GNAL: variants seen among roughly 807,000 people sequenced by gnomAD.
GNAL encodes guanine nucleotide-binding protein G(olf) subunit alpha.
In GNAL, 18 loss-of-function variants were observed where a neutral mutation model predicts 55.1. The ratio of observed to expected loss-of-function variants is 0.33; its 90% confidence interval spans 0.23 to 0.48. The LOEUF (loss-of-function observed/expected upper bound fraction) is 0.48. Among genes scored for constraint, GNAL ranks in the 20% least tolerant of loss-of-function variants. GNAL has a pLI of 0.99. For missense variants in GNAL, 412 were observed against 614.1 expected, an observed-to-expected ratio of 0.67 and a Z score of 3.48; for synonymous variants, 253 against 237.0, an observed-to-expected ratio of 1.07 and a Z score of -0.62.
At chr18:11,853,970 GC>G (rs1283938163) in intron 5 of GNAL, 3 of 165,154 alleles carry the variant, frequency 1.8e-5, no homozygotes, top group Non-Finnish European at 2.9e-5. Context: ...TTACAGGTGT[GC>G]ACCACCATGC....
intron 4 of GNAL, among the ~76,000 whole-genome samples, chr18:11,770,169 T>C (rs1452760691): frequency 6.6e-6 from 1 of 152,180 alleles, no homozygotes. Flanking sequence ...AGTTGTACAT[T>C]TTTAATTGAG....
chr18:11,752,613 CA>C lies in GNAL; in HGVS notation c.377-239del. ...AGGGGCGCGCGGCGGCTCCCGGCCCCAGCGGAGCGCACAGCCAGGAGCGGCG... is the reference window on the plus strand; with the variant it reads ...AGGGGCGCGCGGCGGCTCCCGGCCCCGCGGAGCGCACAGCCAGGAGCGGCG... On this transcript the variant is annotated intron_variant, in intron 1 of 11. Coordinates refer to ENST00000334049, the MANE Select transcript of GNAL (RefSeq NM_182978.4). This position sits in a 1 kb window ranked among gnomAD's most constrained non-coding sequence, Gnocchi z 4.5. 6.4e-7 allele frequency: 1 copy of C among 1,562,006 alleles called. No homozygotes were observed. Among genetic ancestry groups the C allele is most frequent in the Admixed American group, 2.0e-5 (1 of 49,446 alleles).
rs1268151586 is a variant in GNAL, at chr18:11,791,865, A to G, written c.625-33053A>G. Among the ~76,000 whole-genome samples, 7 of 152,274 alleles carry G rather than the reference A, an allele frequency of 4.6e-5. No homozygotes were observed. The East Asian group carries it at 1.4e-3, about 29-fold the overall frequency. The stretch of plus-strand genomic sequence containing the variant: ...CCGAGAACTCCCGAGGGTCTGCACC[A>G]CATCCATAGTGCAGCACTGTCAGCC... On this transcript the variant is annotated intron_variant, in intron 4 of 11. Transcript: ENST00000334049.
chr18:11,751,693 A>C lies in GNAL; in HGVS notation c.377-1160A>C. 1.0e-6 allele frequency: 1 copy of C among 983,056 alleles called. No homozygotes were observed. The highest frequency in any genetic ancestry group is 1.7e-5 in the African/African-American group (1 of 57,284). 60.9% of individuals were successfully genotyped at this position (983,056 alleles called of 1,614,324 possible). A position where few individuals can be genotyped will look rare whatever the true frequency, so the allele number is the denominator to read the frequency against. On this transcript the variant is annotated intron_variant, in intron 1 of 11. Transcript: ENST00000334049. This position sits in a 1 kb window ranked among gnomAD's most constrained non-coding sequence, Gnocchi z 4.5. ...CGGAGGGGCTGCGGGCCCGGAACCC[A>C]GGCCGGTCAGCGTGTAAGCGCCCCA...
chr18:11,855,525 C>G (rs540129764), intron 5 of GNAL, among the ~76,000 whole-genome samples: 1 of 152,170 alleles, frequency 6.6e-6, no homozygotes, highest in South Asian at 2.1e-4. Flanking sequence ...TATTTCAGTT[C>G]AGGAACCCAG....
intron 4 of GNAL, among the ~76,000 whole-genome samples, chr18:11,796,452 C>T (rs534537031): frequency 2.6e-5 from 4 of 151,726 alleles, no homozygotes; most frequent in Admixed American, 6.6e-5. Flanking sequence ...TGGTGGCGGG[C>T]GCCTGTAGTC....
chr18:11,743,078 T>A (rs1411603853), intron 1 of GNAL, among the ~76,000 whole-genome samples: 1 of 152,188 alleles, frequency 6.6e-6, no homozygotes, highest in African/African-American at 2.4e-5. Flanking sequence ...TTATGGTATA[T>A]CCCCACTTGA....
chr18:11,848,153 G>A (rs747424657), intron 5 of GNAL, among the ~76,000 whole-genome samples: 19 of 152,170 alleles, frequency 1.2e-4, no homozygotes, highest in Non-Finnish European at 2.1e-4. Context: ...GAGCTCAGAA[G>A]CAAATCTCTC....
At chr18:11,790,661 C>CTTTTTTTTTTTTTTTTTTT (rs397941591) in intron 4 of GNAL, among the ~76,000 whole-genome samples, 1 of 71,440 alleles carries the variant, frequency 1.4e-5, no homozygotes, top group Non-Finnish European at 3.1e-5. Context: ...CTTTTTTTTT[C>CTTTTTTTTTTTTTTTTTTT]TTTTTTTTTT....
At chr18:11,705,561 T>C (rs1014299729) in intron 1 of GNAL, among the ~76,000 whole-genome samples, 1 of 152,184 alleles carries the variant, frequency 6.6e-6, no homozygotes, top group Non-Finnish European at 1.5e-5. Context: ...TGTACCATTT[T>C]AATTCCCACC....
chr18:11,809,382 C>T (rs1452422663), intron 4 of GNAL, among the ~76,000 whole-genome samples: 1 of 152,090 alleles, frequency 6.6e-6, no homozygotes, highest in Non-Finnish European at 1.5e-5. Context: ...GTGATGAAGG[C>T]ACAACTCTAC....
intron 1 of GNAL, among the ~76,000 whole-genome samples, chr18:11,741,456 C>T (rs931416424): frequency 6.6e-6 from 1 of 152,176 alleles, no homozygotes; most frequent in Non-Finnish European, 1.5e-5. Flanking sequence ...GTAGAATTAA[C>T]CACACAAACT....
chr18:11,786,842 A>G (rs562565324), intron 4 of GNAL, among the ~76,000 whole-genome samples: 4 of 152,010 alleles, frequency 2.6e-5, no homozygotes, highest in East Asian at 3.9e-4. Flanking sequence ...ATACTTCCCA[A>G]TCTAATCAAA....
At chr18:11,794,100 C>T (rs1448504312) in intron 4 of GNAL, among the ~76,000 whole-genome samples, 2 of 152,128 alleles carry the variant, frequency 1.3e-5, no homozygotes, top group African/African-American at 4.8e-5. Flanking sequence ...CAGAAAATAA[C>T]AAGTGTTGGA....
At chr18:11,853,864 C>G (rs895886586) in intron 5 of GNAL, 1 of 167,042 alleles carries the variant, frequency 6.0e-6, no homozygotes, top group African/African-American at 2.4e-5. Flanking sequence ...GCTCTGTTGC[C>G]CAGGCTGGAG....
intron 5 of GNAL, chr18:11,853,642 G>A (rs1332235622): frequency 1.2e-5 from 2 of 167,024 alleles, no homozygotes; most frequent in Non-Finnish European, 2.9e-5. Flanking sequence ...AGTGTAACAG[G>A]TGCGTGCAGA....
intron 11 of GNAL, 121 bp downstream of exon 11, chr18:11,876,809 A>C: frequency 1.4e-6 from 1 of 714,952 alleles, no homozygotes. Flanking sequence ...AGCGATGACA[A>C]AGGGTATGTT....
chr18:11,730,295 G>A (rs1338648853), intron 1 of GNAL, among the ~76,000 whole-genome samples: 1 of 151,538 alleles, frequency 6.6e-6, no homozygotes, highest in Non-Finnish European at 1.5e-5. Context: ...GAGTAGCTGG[G>A]ATTACAGGTG....
chr18:11,773,546 G>A (rs1200530058), intron 4 of GNAL, among the ~76,000 whole-genome samples: 3 of 152,134 alleles, frequency 2.0e-5, no homozygotes, highest in African/African-American at 7.2e-5. Flanking sequence ...TTGGAGGAAC[G>A]CTTGAGTGCA....
Sources: allele counts gnomAD v4.1 joint callset (sites outside exome capture counted in the v4.1 genomes callset), GRCh38; gene constraint gnomAD v4.1.1; non-coding constraint Gnocchi (gnomAD v3.1); transcripts MANE v1.5; gene names NCBI Gene and HGNC (gene_info 2026-07-23, HGNC 2026-07-21).